CEP83: variants seen among roughly 807,000 people sequenced by gnomAD.
CEP83 encodes centrosomal protein of 83 kDa.
Under a neutral mutation model 101.9 loss-of-function variants are expected in CEP83, and 70 were observed. That is an observed-to-expected ratio of 0.69 (90% CI 0.57 to 0.84). CEP83 has a LOEUF of 0.84. CEP83 is among the 40% of genes least tolerant of loss of function. The pLI is 0.00. For missense variants in CEP83, 715 were observed against 787.2 expected (o/e 0.91, Z 1.10); for synonymous variants, 264 against 267.9 (o/e 0.99, Z 0.14).
intron 11 of CEP83, among the ~76,000 whole-genome samples, chr12:94,347,080 C>CAT (rs2059973958): frequency 7.0e-6 from 1 of 142,456 alleles, no homozygotes; most frequent in African/African-American, 2.7e-5. Flanking sequence ...CACATACACA[C>CAT]ACACACACAC....
chr12:94,363,767 G>A (rs1173411720), intron 11 of CEP83, among the ~76,000 whole-genome samples: 8 of 151,864 alleles, frequency 5.3e-5, no homozygotes, highest in Non-Finnish European at 1.2e-4. Flanking sequence ...TGGCCAACAT[G>A]GTGAAACGGC....
At chr12:94,322,821 C>G (rs1250234860) in intron 14 of CEP83, among the ~76,000 whole-genome samples, 1 of 152,182 alleles carries the variant, frequency 6.6e-6, no homozygotes, top group Non-Finnish European at 1.5e-5. Flanking sequence ...GATGACAGCC[C>G]CATCCCTCCC....
At chr12:94,412,072 G>T (rs1300828833) in intron 3 of CEP83, among the ~76,000 whole-genome samples, 1 of 152,046 alleles carries the variant, frequency 6.6e-6, no homozygotes, top group Non-Finnish European at 1.5e-5. Context: ...TAGCCATCTG[G>T]ATACATTTAA....
chr12:94,378,712 T>C (rs149324362), intron 7 of CEP83, 79 bp downstream of exon 7: 3 of 1,480,526 alleles, frequency 2.0e-6, no homozygotes, highest in Admixed American at 1.9e-5. Flanking sequence ...CATACATTTA[T>C]GCTCTAAAAA....
Position 94,449,779 on chromosome 12 carries a change from T to TAAAAA in CEP83, c.-155+9773_-155+9777dup, listed in dbSNP as rs71071787. Among the ~76,000 whole-genome samples, 82 of 48,562 alleles carry TAAAAA rather than the reference T, an allele frequency of 1.7e-3. 4 individuals are homozygous for TAAAAA. The highest frequency in any genetic ancestry group is 4.6e-3 in the African/African-American group (42 of 9,172). 31.9% of individuals were successfully genotyped at this position (48,562 alleles called of 152,430 possible). A position where few individuals can be genotyped will look rare whatever the true frequency, so the allele number is the denominator to read the frequency against. ...CAGAGCAAGAGTCTGTCTCAAACAA[T>TAAAAA]AAAAAAAAAAAAAAAAAAAAAAAAA... On this transcript the variant is annotated intron_variant, in intron 1 of 16. Coordinates refer to ENST00000397809, the MANE Select transcript of CEP83 (RefSeq NM_016122.3).
chr12:94,294,830 C>G, the CEP83 span, among the ~76,000 whole-genome samples: 1 of 152,022 alleles, frequency 6.6e-6, no homozygotes, highest in Non-Finnish European at 1.5e-5. Flanking sequence ...TTTTTCAACC[C>G]TTTAGAAGGA....
chr12:94,418,553 A>C (rs1351641462), intron 2 of CEP83, among the ~76,000 whole-genome samples: 1 of 152,194 alleles, frequency 6.6e-6, no homozygotes, highest in Non-Finnish European at 1.5e-5. Context: ...AACTAACAAA[A>C]AATACCTACC....
chr12:94,447,462 A>G (rs576716579), intron 1 of CEP83, among the ~76,000 whole-genome samples: 4 of 152,310 alleles, frequency 2.6e-5, no homozygotes, highest in African/African-American at 9.6e-5. Context: ...CCAAGATCGC[A>G]CTATTGCACT....
chr12:94,432,876 TAA>T (rs1402067551), intron 2 of CEP83, among the ~76,000 whole-genome samples: 1 of 152,108 alleles, frequency 6.6e-6, no homozygotes, highest in Non-Finnish European at 1.5e-5. Flanking sequence ...TGTGCCAATT[TAA>T]AAAGAGAGGA....
At chr12:94,374,355 T>A (rs954965361) in intron 8 of CEP83, among the ~76,000 whole-genome samples, 1 of 152,172 alleles carries the variant, frequency 6.6e-6, no homozygotes, top group Non-Finnish European at 1.5e-5. Context: ...ATTCCAGCAG[T>A]GTAGTCTGGC....
intron 14 of CEP83, among the ~76,000 whole-genome samples, chr12:94,318,522 G>T (rs1971090191): frequency 1.3e-5 from 2 of 152,058 alleles, no homozygotes; most frequent in African/African-American, 4.8e-5. Context: ...TCCATATTTT[G>T]CCCATTCAGT....
intron 12 of CEP83, among the ~76,000 whole-genome samples, chr12:94,334,789 CTTTA>C (rs1211337139): frequency 6.6e-6 from 1 of 152,130 alleles, no homozygotes; most frequent in African/African-American, 2.4e-5. Context: ...ACTATTCACT[CTTTA>C]TTTTTAACTG....
At chr12:94,395,990 C>T (rs77849842) in intron 6 of CEP83, among the ~76,000 whole-genome samples, 1,629 of 152,212 alleles carry the variant, frequency 0.011, 28 homozygotes, top group African/African-American at 0.038. Flanking sequence ...TGGACTGTCA[C>T]TTTGATGGTT....
chr12:94,301,035 T>C, the CEP83 span: 9 of 1,613,708 alleles, frequency 5.6e-6, no homozygotes, highest in Non-Finnish European at 7.6e-6. Context: ...GCATTTTCTC[T>C]CACAGAGCAG....
intron 2 of CEP83, among the ~76,000 whole-genome samples, chr12:94,422,348 G>A (rs997860552): frequency 6.6e-6 from 1 of 152,164 alleles, no homozygotes; most frequent in Non-Finnish European, 1.5e-5. Flanking sequence ...AAGTAAATTA[G>A]CCTTGCTGGG....
At chr12:94,280,638 C>T in the CEP83 span, among the ~76,000 whole-genome samples, 1 of 152,170 alleles carries the variant, frequency 6.6e-6, no homozygotes, top group South Asian at 2.1e-4. Flanking sequence ...CATTTTAGCT[C>T]ATTTGGTTAG....
intron 11 of CEP83, among the ~76,000 whole-genome samples, chr12:94,339,925 A>G (rs2059607550): frequency 1.3e-5 from 2 of 152,238 alleles, no homozygotes; most frequent in Admixed American, 1.3e-4. Context: ...ATTGACACAT[A>G]TCCTTTCATC....
chr12:94,320,206 C>CAA (rs2058689019), intron 14 of CEP83, among the ~76,000 whole-genome samples: 1 of 152,162 alleles, frequency 6.6e-6, no homozygotes, highest in Non-Finnish European at 1.5e-5. Flanking sequence ...AGATGTTCCT[C>CAA]CATCCATTTA....
downstream of CEP83, among the ~76,000 whole-genome samples, chr12:94,301,602 T>C (rs1294558578): frequency 6.6e-6 from 1 of 152,170 alleles, no homozygotes; most frequent in African/African-American, 2.4e-5. Flanking sequence ...TCGAAAGAGA[T>C]GTTTTGGTCT....
Sources: allele counts gnomAD v4.1 joint callset (sites outside exome capture counted in the v4.1 genomes callset), GRCh38; gene constraint gnomAD v4.1.1; transcripts MANE v1.5; gene names NCBI Gene and HGNC (gene_info 2026-07-23, HGNC 2026-07-21).